BCL7C: variants seen among roughly 807,000 people sequenced by gnomAD.
BCL7C encodes the protein BAF chromatin remodeling complex subunit BCL7C, also known as B-cell CLL/lymphoma 7 protein family member C.
A neutral mutation model predicts 26.2 loss-of-function variants in BCL7C; 8 were observed. That is an observed-to-expected ratio of 0.30 (90% CI 0.18 to 0.55). The LOEUF is 0.55. Among genes scored for constraint, BCL7C ranks in the 20% least tolerant of loss-of-function variants. BCL7C has a pLI of 0.93. For synonymous variants in BCL7C, 90 were observed against 116.5 expected (o/e 0.77, Z 1.47); for missense variants, 262 against 298.5 (o/e 0.88, Z 0.90).
chr16:30,881,425 C>CACACACACAA lies in BCL7C; in HGVS notation c.528+7434_528+7435insTTGTGTGTGT, dbSNP rs1491523089. 2.1e-5 allele frequency among the ~76,000 whole-genome samples: 3 copies of CACACACACAA among 143,038 alleles called. No homozygotes were observed. The South Asian group carries it at 6.5e-4, about 31-fold the overall frequency. The allele number at this position is 143,038 out of a possible 152,430, so 93.8% of individuals were successfully genotyped here. ...ACACACACACACACACACACACACA[C>CACACACACAA]AACAAAAAATTAGGAACAAAACCTA... is the stretch of plus-strand genomic sequence containing the variant. On this transcript the variant is annotated intron_variant, in intron 5 of 5. Coordinates refer to the BCL7C transcript ENST00000380317.
rs150838242 is a variant in BCL7C at position 30,887,902 on chromosome 16, G to C, written c.617C>G (p.Pro206Arg). ...GGCATTTGGGCAGATGCGCTTGAGT[G>C]GGGGGGCACCCTCCGAGTCCTCTGT... The part of the protein sequence containing the change: ...GDTEDSEGAP[P>R]LKRICPNAPD... The change falls in exon 6 of 6, where the codon CCA (proline) becomes CGA (arginine). Residue 206 changes from proline (P) to arginine (R), a missense_variant. Physicochemically the swap from Pro to Arg is moderately radical, Grantham distance 103. Transcript: ENST00000215115. 9.5e-5 allele frequency: 152 copies of C among 1,600,248 alleles called. No individual in the cohort carries two copies. Among genetic ancestry groups the C allele is most frequent in the South Asian group, 7.4e-4 (66 of 88,934 alleles).
intron 5 of BCL7C, among the ~76,000 whole-genome samples, chr16:30,850,064 G>C (rs1422691196): frequency 6.6e-6 from 1 of 151,860 alleles, no homozygotes; most frequent in African/African-American, 2.4e-5. Context: ...AAAAAAATCA[G>C]CTGGGCATGG....
At chr16:30,845,812 C>G (rs901521631) in intron 5 of BCL7C, among the ~76,000 whole-genome samples, 2 of 151,548 alleles carry the variant, frequency 1.3e-5, no homozygotes, top group African/African-American at 4.8e-5. Flanking sequence ...CTCCTGGGCT[C>G]AAGAGATCCT....
chr16:30,889,207 C>T (rs2055185389), intron 4 of BCL7C, among the ~76,000 whole-genome samples: 2 of 152,184 alleles, frequency 1.3e-5, no homozygotes, highest in South Asian at 4.1e-4. Context: ...AGATTCTGGG[C>T]TTGGACTGCC....
intron 5 of BCL7C, among the ~76,000 whole-genome samples, chr16:30,845,502 G>A (rs2054628558): frequency 6.6e-6 from 1 of 152,170 alleles, no homozygotes; most frequent in South Asian, 2.1e-4. Context: ...TTCCAACAGT[G>A]CTTGGTGGAA....
chr16:30,890,223 G>A (rs1297113201), intron 4 of BCL7C, among the ~76,000 whole-genome samples: 1 of 151,674 alleles, frequency 6.6e-6, no homozygotes, highest in East Asian at 2.0e-4. Context: ...ATGAAACCCC[G>A]TCTCTACTAA....
intron 5 of BCL7C, among the ~76,000 whole-genome samples, chr16:30,881,893 C>T (rs1228207233): frequency 1.3e-5 from 2 of 152,134 alleles, no homozygotes; most frequent in Admixed American, 1.3e-4. Flanking sequence ...TTTTCCAGCG[C>T]ACTCTAACTT....
At chr16:30,856,575 T>G (rs1447027282) in intron 5 of BCL7C, among the ~76,000 whole-genome samples, 1 of 152,212 alleles carries the variant, frequency 6.6e-6, no homozygotes, top group African/African-American at 2.4e-5. Flanking sequence ...CGCATCTGTA[T>G]TCTACGTTGT....
intron 5 of BCL7C, among the ~76,000 whole-genome samples, chr16:30,857,244 T>G (rs2054730302): frequency 6.6e-6 from 1 of 151,670 alleles, no homozygotes; most frequent in Non-Finnish European, 1.5e-5. Context: ...CAAAATTAGC[T>G]AGGCACGGTG....
At chr16:30,838,402 G>A (rs187195824) in intron 5 of BCL7C, among the ~76,000 whole-genome samples, 2 of 152,342 alleles carry the variant, frequency 1.3e-5, no homozygotes, top group South Asian at 2.1e-4. Context: ...ACTGAGTAAC[G>A]TTAGTGGCTG....
intron 5 of BCL7C, among the ~76,000 whole-genome samples, chr16:30,865,727 C>CT (rs11333293): frequency 2.7e-4 from 18 of 66,682 alleles, no homozygotes; most frequent in Admixed American, 7.9e-4. Flanking sequence ...CTTTTTTTTT[C>CT]TTTTTTTTTT....
chr16:30,860,399 G>GTC (rs1158546802), intron 5 of BCL7C, among the ~76,000 whole-genome samples: 3 of 152,258 alleles, frequency 2.0e-5, no homozygotes, highest in Admixed American at 2.0e-4. Flanking sequence ...ACCACTCCAT[G>GTC]TCTCTACCTT....
intron 5 of BCL7C, among the ~76,000 whole-genome samples, chr16:30,874,836 G>A (rs1303990915): frequency 6.6e-6 from 1 of 152,198 alleles, no homozygotes; most frequent in Non-Finnish European, 1.5e-5. Flanking sequence ...GCCTCGCGAG[G>A]TGGAGAGAGA....
At chr16:30,846,289 G>C (rs567455765) in intron 5 of BCL7C, among the ~76,000 whole-genome samples, 62 of 149,748 alleles carry the variant, frequency 4.1e-4, no homozygotes, top group African/African-American at 1.5e-3. Flanking sequence ...GCAGTGGCGC[G>C]ATCTCAGCTC....
At chr16:30,888,449 G>A (rs1420091178) in intron 5 of BCL7C, among the ~76,000 whole-genome samples, 1 of 152,148 alleles carries the variant, frequency 6.6e-6, no homozygotes, top group South Asian at 2.1e-4. Context: ...CAATTCTCCT[G>A]CCTTAGCCTC....
intron 5 of BCL7C, among the ~76,000 whole-genome samples, chr16:30,837,094 G>A (rs982085283): frequency 5.9e-5 from 9 of 151,436 alleles, no homozygotes; most frequent in African/African-American, 2.2e-4. Context: ...GCGCCCGGCC[G>A]ACTCCATCTC....
Position 30,893,208 on chromosome 16 carries a change from T to A in BCL7C, c.171+4A>T. The A allele has an allele frequency of 6.2e-7, 1 of 1,612,242 alleles. No homozygotes were observed. The highest frequency in any genetic ancestry group is 8.5e-7 in the Non-Finnish European group (1 of 1,178,878). On this transcript the variant is annotated splice_donor_region_variant and intron_variant, in intron 2 of 5. Transcript: ENST00000215115. The surrounding 1 kb of genome is among the most constrained non-coding windows in gnomAD (Gnocchi z 5.2). ...AGGGCCTTGTGGGAATGGGGGTTGCTCACCTCCTCCTGGGGATCCACCACT... is the reference window on the plus strand; with the variant it reads ...AGGGCCTTGTGGGAATGGGGGTTGCACACCTCCTCCTGGGGATCCACCACT...
At chr16:30,853,739 T>G (rs1324431769) in intron 5 of BCL7C, among the ~76,000 whole-genome samples, 1 of 152,174 alleles carries the variant, frequency 6.6e-6, no homozygotes, top group Non-Finnish European at 1.5e-5. Flanking sequence ...GTTTCTTTTT[T>G]CTCTTGCCTC....
At chr16:30,849,980 T>A (rs982545813) in intron 5 of BCL7C, among the ~76,000 whole-genome samples, 1 of 151,516 alleles carries the variant, frequency 6.6e-6, no homozygotes, top group Non-Finnish European at 1.5e-5. Context: ...GAGGCCAAGG[T>A]GGGCAGATCA....
Sources: allele counts gnomAD v4.1 joint callset (sites outside exome capture counted in the v4.1 genomes callset), GRCh38; gene constraint gnomAD v4.1.1; non-coding constraint Gnocchi (gnomAD v3.1); transcripts MANE v1.5; gene names NCBI Gene and HGNC (gene_info 2026-07-23, HGNC 2026-07-21).